Variants in EPAS1 observed in about 807,000 individuals in gnomAD.
EPAS1 encodes endothelial PAS domain-containing protein 1.
EPAS1 carries 23 observed loss-of-function variants against 87.9 expected under a neutral mutation model. The ratio of observed to expected loss-of-function variants is 0.26; its 90% CI spans 0.19 to 0.37. The LOEUF (loss-of-function observed/expected upper bound fraction) is 0.37, where lower values mean the gene tolerates loss of function less well. EPAS1 is among the 10% of genes least tolerant of loss of function. The probability of loss-of-function intolerance (pLI) is 1.00; values close to 1 mark genes in which losing one functional copy is unlikely to be tolerated. For synonymous variants in EPAS1, 508 were observed against 444.3 expected (o/e 1.14, Z -1.80); for missense variants, 1,138 against 1,120.7 (o/e 1.02, Z -0.22).
intron 1 of EPAS1, among the ~76,000 whole-genome samples, chr2:46,332,315 T>G (rs1683699802): frequency 7.1e-6 from 1 of 141,470 alleles, no homozygotes; most frequent in African/African-American, 2.6e-5. Context: ...TGTGTGTGTG[T>G]GTGTGTGTGT....
At chr2:46,377,403 G>A (rs1288881031) in intron 9 of EPAS1, among the ~76,000 whole-genome samples, 1 of 152,206 alleles carries the variant, frequency 6.6e-6, no homozygotes, top group Non-Finnish European at 1.5e-5. Context: ...CCTTGCTGTG[G>A]CTGCCGGAAG....
chr2:46,370,523 G>A (rs1436861879), intron 7 of EPAS1, among the ~76,000 whole-genome samples: 1 of 152,106 alleles, frequency 6.6e-6, no homozygotes, highest in Non-Finnish European at 1.5e-5. Flanking sequence ...CTTTAGAAAA[G>A]GCTGTCCAGG....
In EPAS1 at chr2:46,297,774, G is replaced by C; in HGVS notation, c.-138G>C. The C allele has an allele frequency of 1.7e-6, 2 of 1,212,082 alleles. No individual in the cohort carries two copies. Among genetic ancestry groups the C allele is most frequent in the South Asian group, 1.3e-5 (1 of 75,776 alleles). 75.1% of individuals were successfully genotyped at this position (1,212,082 alleles called of 1,614,324 possible). On this transcript the variant is annotated 5_prime_UTR_variant, in exon 1 of 16. Transcript: ENST00000263734. ...CGCGCCACCTTCCACCTGACTGCGC[G>C]GGGCGCTCGGGACCTGCGCGCACCT...
chr2:46,368,140 A>G (rs1185208436), intron 6 of EPAS1, among the ~76,000 whole-genome samples: 1 of 152,214 alleles, frequency 6.6e-6, no homozygotes, highest in Non-Finnish European at 1.5e-5. Context: ...TCAGGGGTTG[A>G]CAGCCTAGGA....
In EPAS1 at chr2:46,318,479, G is replaced by A. The variant is rs372740686; in HGVS notation, c.26+20542G>A. Among the ~76,000 whole-genome samples the A allele has an allele frequency of 1.2e-4, 18 of 152,320 alleles. No individual in the cohort carries two copies. In the South Asian group the frequency reaches 2.1e-3, roughly 18 times the overall value. ...CTGACAAACCTTCAATTTGTAAAAA[G>A]TGCAATATCTGCAAAGTGCAATAAA... On this transcript the variant is annotated intron_variant, in intron 1 of 15. Coordinates refer to ENST00000263734, the MANE Select transcript of EPAS1 (RefSeq NM_001430.5).
In EPAS1 at chr2:46,347,448, C is replaced by A; in HGVS notation, c.217+385C>A. ...GCATTCTAATCCTTAACTTCCAGTG[C>A]CTTCTCCAGAACAGCAAGAAGGTGT... On this transcript the variant is annotated intron_variant, in intron 2 of 15. Transcript: ENST00000263734. This position sits in a 1 kb window ranked among gnomAD's most constrained non-coding sequence, Gnocchi z 4.2. 3.1e-6 allele frequency: 1 copy of A among 320,196 alleles called. No individual in the cohort carries two copies. Among genetic ancestry groups the A allele is most frequent in the Non-Finnish European group, 6.1e-6 (1 of 164,926 alleles). The allele number at this position is 320,196 out of a possible 1,614,324, so 19.8% of individuals were successfully genotyped here.
chr2:46,361,232 T>C (rs577567946), intron 6 of EPAS1, 142 bp downstream of exon 6: 1 of 929,670 alleles, frequency 1.1e-6, no homozygotes. Flanking sequence ...TGCCACTGTT[T>C]CATTGCATCA....
intron 1 of EPAS1, among the ~76,000 whole-genome samples, chr2:46,334,659 A>G (rs1158102870): frequency 6.6e-6 from 1 of 152,110 alleles, no homozygotes; most frequent in African/African-American, 2.4e-5. Context: ...ATTTCATTCT[A>G]CTGCTCACAG....
intron 1 of EPAS1, among the ~76,000 whole-genome samples, chr2:46,338,020 T>C (rs375994411): frequency 3.9e-5 from 6 of 152,312 alleles, no homozygotes; most frequent in Admixed American, 3.3e-4. Flanking sequence ...TCATCAGATT[T>C]AGTATCCTAG....
chr2:46,297,809 A>G lies in EPAS1; in HGVS notation c.-103A>G, dbSNP rs1572608202. On this transcript the variant is annotated 5_prime_UTR_variant, in exon 1 of 16. Coordinates refer to ENST00000263734, the MANE Select transcript of EPAS1 (RefSeq NM_001430.5). ...GGACCTGCGCGCACCTCGGACCTTC[A>G]CCACCCGCCCGGGCCGCGGGGAGCG... 6.6e-7 allele frequency: 1 copy of G among 1,509,456 alleles called. No individual in the cohort carries two copies. Among genetic ancestry groups the G allele is most frequent in the Non-Finnish European group, 9.0e-7 (1 of 1,113,360 alleles). 93.5% of individuals were successfully genotyped at this position (1,509,456 alleles called of 1,614,324 possible).
rs749690854 is a variant in EPAS1, at chr2:46,384,529, G to A, written c.2482G>A (p.Gly828Arg). Reference protein sequence around the residue: ...KVSGMASRLLGPSFESYLLPE... With the variant: ...KVSGMASRLLRPSFESYLLPE... ...TTCAGGCATGGCAAGCCGGCTGCTCGGGCCCTCATTTGAGTCCTACCTGCT... is the reference window on the plus strand; with the variant it reads ...TTCAGGCATGGCAAGCCGGCTGCTCAGGCCCTCATTTGAGTCCTACCTGCT... Residue 828 changes from glycine to arginine, a missense_variant, in exon 16 of 16, where the codon GGG becomes AGG. Physicochemically the swap from Gly to Arg is moderately radical, Grantham distance 125. This residue lies in a region of EPAS1 where 502 missense variants were observed against 427.1 expected (regional missense o/e 1.18). Coordinates refer to ENST00000263734, the MANE Select transcript of EPAS1 (RefSeq NM_001430.5). 3.0e-5 allele frequency: 49 copies of A among 1,614,070 alleles called. No individual in the cohort carries two copies. Among genetic ancestry groups the A allele is most frequent in the Middle Eastern group, 1.6e-4 (1 of 6,084 alleles).
chr2:46,318,481 G>A (rs770716368), intron 1 of EPAS1, among the ~76,000 whole-genome samples: 3 of 152,202 alleles, frequency 2.0e-5, no homozygotes, highest in Non-Finnish European at 4.4e-5. Flanking sequence ...TGTAAAAAGT[G>A]CAATATCTGC....
At chr2:46,305,969 T>G (rs993110203) in intron 1 of EPAS1, among the ~76,000 whole-genome samples, 2 of 152,090 alleles carry the variant, frequency 1.3e-5, no homozygotes, top group Non-Finnish European at 2.9e-5. Flanking sequence ...ACGGGTTGAG[T>G]GTTTTGGTCT....
chr2:46,321,225 T>C (rs535383705), intron 1 of EPAS1, among the ~76,000 whole-genome samples: 42 of 152,380 alleles, frequency 2.8e-4, no homozygotes, highest in Non-Finnish European at 2.1e-4. Flanking sequence ...TATTTCTTTT[T>C]AAGGCCGAAT....
rs79736895 is a variant in EPAS1, at chr2:46,383,643, T to C, written c.2462-866T>C. ...GTAGCCAGCACTATTCTTCCTGTTA[T>C]GTGAAGCCCACGAATTACCTTGAAT... On this transcript the variant is annotated intron_variant, in intron 15 of 15. Transcript: ENST00000263734. Among the ~76,000 whole-genome samples, 84 of 152,354 alleles carry C rather than the reference T, an allele frequency of 5.5e-4. 1 individual carries two copies. The East Asian group carries it at 0.014, about 25-fold the overall frequency.
At chr2:46,304,769 C>T (rs1683075717) in intron 1 of EPAS1, among the ~76,000 whole-genome samples, 1 of 152,224 alleles carries the variant, frequency 6.6e-6, no homozygotes, top group Non-Finnish European at 1.5e-5. Context: ...GAAGCTCTTC[C>T]TCTGTGGCTT....
chr2:46,378,205 C>T, intron 10 of EPAS1, 118 bp downstream of exon 10: 13 of 1,475,750 alleles, frequency 8.8e-6, no homozygotes, highest in Non-Finnish European at 1.2e-5. Context: ...ACAGAGCCCC[C>T]TAGAGTGGCC....
chr2:46,320,554 C>T (rs915484892), intron 1 of EPAS1, among the ~76,000 whole-genome samples: 16 of 152,176 alleles, frequency 1.1e-4, no homozygotes, highest in African/African-American at 3.6e-4. Context: ...CCTTCATTAA[C>T]GGAAAGGAGA....
At chr2:46,332,291 CGTGTGTGTGTGTGTGTGTGTGTGT>C (rs57893491) in intron 1 of EPAS1, among the ~76,000 whole-genome samples, 5 of 110,820 alleles carry the variant, frequency 4.5e-5, no homozygotes, top group Admixed American at 1.1e-4. Context: ...AAAAAAAATA[CGTGTGTGTGTGTGTGTGTGTGTGT>C]GTGTGTGTGT....
Sources: gnomAD v4.1 joint callset for allele counts (sites outside exome capture counted in the v4.1 genomes callset) on GRCh38, gnomAD v4.1.1 for gene constraint, gnomAD v4.1.1 regional missense constraint, Gnocchi (gnomAD v3.1) non-coding constraint, MANE v1.5 for transcripts, NCBI Gene and HGNC (gene_info 2026-07-23, HGNC 2026-07-21) for gene names.